The following KAZN variants were observed in gnomAD, a reference collection of about 807,000 sequenced individuals.
The protein encoded by KAZN is kazrin, periplakin interacting protein.
A neutral mutation model predicts 87.4 loss-of-function variants in KAZN; 40 were observed. The observed-to-expected ratio is 0.46, with a 90% CI of 0.36 to 0.60. The LOEUF is 0.60. Among genes scored for constraint, KAZN ranks in the 20% least tolerant of loss-of-function variants. KAZN has a pLI of 0.00. For synonymous variants in KAZN, 466 were observed against 458.3 expected (o/e 1.02, Z -0.22); for missense variants, 898 against 1,073.9 (o/e 0.84, Z 2.29).
chr1:14,444,895 G>T (rs957593237), intron 2 of KAZN, among the ~76,000 whole-genome samples: 1 of 152,144 alleles, frequency 6.6e-6, no homozygotes, highest in Non-Finnish European at 1.5e-5. Flanking sequence ...GGTTGAATTT[G>T]TTCCCCCCAA....
At chr1:14,869,371 G>A (rs1172846749) in intron 1 of KAZN, among the ~76,000 whole-genome samples, 1 of 152,194 alleles carries the variant, frequency 6.6e-6, no homozygotes, top group Admixed American at 6.5e-5. Context: ...CCTCAACGCA[G>A]GGGCTGTGAC....
chr1:14,849,024 G>A (rs116024210), intron 1 of KAZN, among the ~76,000 whole-genome samples: 76 of 152,292 alleles, frequency 5.0e-4, no homozygotes, highest in African/African-American at 1.8e-3. Flanking sequence ...TGGGGGCCCC[G>A]GGATCATCCA....
intron 2 of KAZN, among the ~76,000 whole-genome samples, chr1:14,347,335 C>A (rs1206807492): frequency 1.3e-5 from 2 of 152,176 alleles, no homozygotes; most frequent in Non-Finnish European, 2.9e-5. Flanking sequence ...CCCAGCTACT[C>A]CAATCAGACC....
At chr1:14,485,777 C>T (rs1039717841) in intron 2 of KAZN, among the ~76,000 whole-genome samples, 5 of 151,688 alleles carry the variant, frequency 3.3e-5, no homozygotes, top group African/African-American at 1.2e-4. Flanking sequence ...CCTGTAGTCC[C>T]GGCTACTTAG....
In KAZN at chr1:14,795,917, C is replaced by T. The variant is rs1348641021; in HGVS notation, c.227-164767C>T. Among the ~76,000 whole-genome samples, 6 of 152,310 alleles carry T rather than the reference C, an allele frequency of 3.9e-5. 1 individual carries two copies. The highest frequency in any genetic ancestry group is 3.9e-4 in the Admixed American group (6 of 15,302). ...CTTGTCTAACACAGGAAACCCTCACCGGCACCCATTCTTCCTCCCCGGGGC... is the reference window on the plus strand; with the variant it reads ...CTTGTCTAACACAGGAAACCCTCACTGGCACCCATTCTTCCTCCCCGGGGC... On this transcript the variant is annotated intron_variant, in intron 1 of 14. Coordinates refer to ENST00000376030, the MANE Select transcript of KAZN (RefSeq NM_201628.3).
chr1:14,997,151 T>G (rs1667954122), intron 2 of KAZN, among the ~76,000 whole-genome samples: 1 of 151,982 alleles, frequency 6.6e-6, no homozygotes, highest in South Asian at 2.1e-4. Flanking sequence ...CTCCAGCGAG[T>G]CTCAGTTCCT....
chr1:14,541,252 T>C (rs2148495293), intron 2 of KAZN, among the ~76,000 whole-genome samples: 1 of 152,334 alleles, frequency 6.6e-6, no homozygotes, highest in South Asian at 2.1e-4. Context: ...ATTAGCCAGT[T>C]TTTTGAGCTA....
intron 2 of KAZN, among the ~76,000 whole-genome samples, chr1:14,209,387 G>C (rs903240547): frequency 6.6e-6 from 1 of 152,130 alleles, no homozygotes; most frequent in Non-Finnish European, 1.5e-5. Flanking sequence ...ATAAGAACCA[G>C]GGGAGATGTT....
chr1:14,461,230 T>C (rs896087440), intron 2 of KAZN, among the ~76,000 whole-genome samples: 2 of 152,190 alleles, frequency 1.3e-5, no homozygotes, highest in Non-Finnish European at 2.9e-5. Context: ...GAGGGTGATG[T>C]GGTTTGGCTG....
At chr1:15,045,816 TC>T (rs1673421849) in intron 4 of KAZN, among the ~76,000 whole-genome samples, 1 of 152,098 alleles carries the variant, frequency 6.6e-6, no homozygotes, top group South Asian at 2.1e-4. Flanking sequence ...AACCATCAGA[TC>T]TCGTTAGCAT....
chr1:15,003,615 CT>C (rs1668719044), intron 2 of KAZN, among the ~76,000 whole-genome samples: 1 of 152,308 alleles, frequency 6.6e-6, no homozygotes, highest in East Asian at 1.9e-4. Context: ...GATAGCACCC[CT>C]GTGACTGTTT....
chr1:14,424,540 A>T (rs1304284562), intron 2 of KAZN, among the ~76,000 whole-genome samples: 1 of 152,192 alleles, frequency 6.6e-6, no homozygotes. Flanking sequence ...CAGGTTGTCC[A>T]CTGCACGGCC....
chr1:14,328,381 A>G (rs16853959), intron 2 of KAZN, among the ~76,000 whole-genome samples: 2,812 of 152,020 alleles, frequency 0.018, 79 homozygotes, highest in African/African-American at 0.064. Context: ...AGTCTCTCGC[A>G]TATGTGTGTT....
At chr1:14,875,755 C>T (rs1488495426) in intron 1 of KAZN, among the ~76,000 whole-genome samples, 1 of 152,190 alleles carries the variant, frequency 6.6e-6, no homozygotes, top group Non-Finnish European at 1.5e-5. Context: ...GCTCCTTCGC[C>T]CAACCCTCCA....
At chr1:14,425,855 A>T (rs1297703018) in intron 2 of KAZN, among the ~76,000 whole-genome samples, 1 of 152,142 alleles carries the variant, frequency 6.6e-6, no homozygotes, top group Non-Finnish European at 1.5e-5. Flanking sequence ...GGTGGAAATG[A>T]GATTTGAGTC....
intron 8 of KAZN, among the ~76,000 whole-genome samples, chr1:15,082,020 G>A (rs907398224): frequency 6.6e-6 from 1 of 152,222 alleles, no homozygotes; most frequent in African/African-American, 2.4e-5. Flanking sequence ...CCAGATAGGA[G>A]ATGGTGGAGC....
At chr1:13,951,490 G>A (rs1388097095) in intron 1 of KAZN, among the ~76,000 whole-genome samples, 1 of 152,104 alleles carries the variant, frequency 6.6e-6, no homozygotes, top group African/African-American at 2.4e-5. Flanking sequence ...TATTACTAAT[G>A]TCCCCTTTAT....
intron 2 of KAZN, among the ~76,000 whole-genome samples, chr1:14,519,003 G>A (rs566338627): frequency 3.2e-4 from 49 of 152,290 alleles, no homozygotes; most frequent in African/African-American, 1.2e-3. Flanking sequence ...AATGAGGCAA[G>A]TATTTTGCCT....
chr1:13,917,158 C>T (rs1639885412), intron 1 of KAZN, among the ~76,000 whole-genome samples: 1 of 152,178 alleles, frequency 6.6e-6, no homozygotes, highest in Admixed American at 6.5e-5. Flanking sequence ...TGTAAAGTAG[C>T]TCCTACCATA....
Sources: gnomAD v4.1 joint callset for allele counts (sites outside exome capture counted in the v4.1 genomes callset) on GRCh38, gnomAD v4.1.1 for gene constraint, MANE v1.5 for transcripts, NCBI Gene and HGNC (gene_info 2026-07-23, HGNC 2026-07-21) for gene names.